Variants in PRDM11 observed in about 807,000 individuals in gnomAD.
PRDM11 encodes PR domain-containing protein 11.
A neutral mutation model predicts 97.8 loss-of-function variants in PRDM11; 20 were observed. The observed-to-expected ratio is 0.20, with a 90% CI of 0.14 to 0.30. The LOEUF is 0.30. Among genes scored for constraint, PRDM11 ranks in the 10% least tolerant of loss-of-function variants. The pLI is 1.00. For synonymous variants in PRDM11, 599 were observed against 637.7 expected (o/e 0.94, Z 0.91); for missense variants, 1,139 against 1,555.2 (o/e 0.73, Z 4.50).
In PRDM11 at chr11:45,224,563, G is replaced by A. The variant is rs761905249; in HGVS notation, c.1089G>A (p.Gly363=). 8.7e-6 allele frequency: 14 copies of A among 1,614,040 alleles called. No homozygotes were observed. Among genetic ancestry groups the A allele is most frequent in the Non-Finnish European group, 1.1e-5 (13 of 1,180,012 alleles). Reference sequence around the variant, plus strand: ...ATATAGGCCAGACCCAGGGGGAGGGGGACTGGAAGGTCCCCCAGGGGGTCT... The same window carrying A: ...ATATAGGCCAGACCCAGGGGGAGGGAGACTGGAAGGTCCCCCAGGGGGTCT... ...VQNIGQTQGE[G]DWKVPQGVSK... is the part of the protein sequence containing the mutation. Residue 363 remains glycine (G), a synonymous_variant, in exon 7 of 8, where the codon GGG becomes GGA. Coordinates refer to ENST00000683152, the MANE Select transcript of PRDM11 (RefSeq NM_001384648.1).
rs780860830 is a variant in PRDM11, at chr11:45,182,852, T to C, written c.224-9T>C. ...ACTGAGGCCCTCCCTTCTCTTTCCA[T>C]CCCTCCAGTCTGTGAGTCCTGCCAG... On this transcript the variant is annotated splice_polypyrimidine_tract_variant and intron_variant, in intron 3 of 7. Coordinates refer to ENST00000683152, the MANE Select transcript of PRDM11 (RefSeq NM_001384648.1). 12 of 1,564,852 alleles carry C rather than the reference T, an allele frequency of 7.7e-6. No individual in the cohort carries two copies. The highest frequency in any genetic ancestry group is 8.7e-6 in the Non-Finnish European group (10 of 1,154,136).
chr11:45,199,119 G>T (rs1257820778), intron 4 of PRDM11, among the ~76,000 whole-genome samples: 1 of 152,118 alleles, frequency 6.6e-6, no homozygotes, highest in Non-Finnish European at 1.5e-5. Flanking sequence ...GATCCACCTG[G>T]ACCATGCTTC....
chr11:45,097,852 AAGTGGGG>A (rs1461395794), intron 1 of PRDM11, among the ~76,000 whole-genome samples: 1 of 152,202 alleles, frequency 6.6e-6, no homozygotes, highest in Admixed American at 6.5e-5. Flanking sequence ...TGGCAGGAGG[AAGTGGGG>A]AGTGGGGAAT....
At chr11:45,210,312 A>G (rs1221346379) in intron 5 of PRDM11, among the ~76,000 whole-genome samples, 1 of 151,044 alleles carries the variant, frequency 6.6e-6, no homozygotes, top group African/African-American at 2.4e-5. Flanking sequence ...TTTCCTCTCT[A>G]CTTCCTGTGT....
At chr11:45,194,993 T>C (rs1233480183) in intron 4 of PRDM11, among the ~76,000 whole-genome samples, 2 of 151,944 alleles carry the variant, frequency 1.3e-5, no homozygotes, top group Admixed American at 6.6e-5. Context: ...GCCAGGACTT[T>C]TAACTAGATC....
intron 1 of PRDM11, among the ~76,000 whole-genome samples, chr11:45,151,780 G>T (rs1339778894): frequency 6.6e-6 from 1 of 152,202 alleles, no homozygotes; most frequent in Non-Finnish European, 1.5e-5. Flanking sequence ...AGCACAGGAG[G>T]GGAGAGGCTT....
At chr11:45,214,659 C>T (rs1853903984) in intron 5 of PRDM11, 1 of 152,158 alleles carries the variant, frequency 6.6e-6, no homozygotes, top group Admixed American at 6.5e-5. Context: ...ATTGCCCGGC[C>T]TCCGATGCTG....
rs1854284515 is a variant in PRDM11, at chr11:45,226,758, G to A, written c.2133G>A (p.Arg711=). 6.5e-7 allele frequency: 1 copy of A among 1,533,822 alleles called. No homozygotes were observed. The highest frequency in any genetic ancestry group is 1.4e-5 in the African/African-American group (1 of 72,966). Residue 711 remains arginine, a synonymous_variant, in exon 8 of 8, where the codon CGG becomes CGA. Coordinates refer to ENST00000683152, the MANE Select transcript of PRDM11 (RefSeq NM_001384648.1). ...STESYLQALD[R]AFSALGIRLQ... is the part of the protein sequence containing the mutation. ...AAAGCTATCTCCAGGCACTTGACCG[G>A]GCCTTCTCGGCCTTGGGCATCCGGT...
At chr11:45,137,900 C>T (rs1204979567) in intron 1 of PRDM11, among the ~76,000 whole-genome samples, 1 of 152,228 alleles carries the variant, frequency 6.6e-6, no homozygotes, top group Non-Finnish European at 1.5e-5. Context: ...ACTCTCAACC[C>T]TTGTGTCCTC....
intron 1 of PRDM11, among the ~76,000 whole-genome samples, chr11:45,151,313 C>T (rs2135684610): frequency 6.6e-6 from 1 of 152,330 alleles, no homozygotes; most frequent in Non-Finnish European, 1.5e-5. Context: ...TGGAGCTGTG[C>T]TGGAAAAACA....
chr11:45,186,449 C>T (rs535144876), intron 4 of PRDM11, among the ~76,000 whole-genome samples: 3 of 152,160 alleles, frequency 2.0e-5, no homozygotes, highest in Non-Finnish European at 2.9e-5. Context: ...AGCTGAAGCC[C>T]GGAGAAGGGA....
In PRDM11 at chr11:45,135,004, G is replaced by A. The variant is rs565598280; in HGVS notation, c.96+39103G>A. ...ATTGGTAAAAATTCCATTTTAGCTG[G>A]GCACAGTGGCACACAGTTGTAGACC... On this transcript the variant is annotated intron_variant, in intron 1 of 6. Transcript: ENST00000530656. Among the ~76,000 whole-genome samples, 8 of 152,068 alleles carry A rather than the reference G, an allele frequency of 5.3e-5. No individual in the cohort carries two copies. The South Asian group carries it at 1.7e-3, about 32-fold the overall frequency.
chr11:45,212,761 C>A (rs1375199731), intron 5 of PRDM11: 1 of 456,444 alleles, frequency 2.2e-6, no homozygotes, highest in Non-Finnish European at 4.4e-6. Flanking sequence ...GGCAGTTCTG[C>A]CAGGAGCTGG....
chr11:45,181,891 G>A lies in PRDM11; in HGVS notation c.119+6G>A, dbSNP rs1312084400. ...CAGGAGTATGGCCAGCCCTGGTGAG[G>A]CCCCTGTGTGGGAACTGGAGAGGGA... On this transcript the variant is annotated splice_donor_region_variant and intron_variant, in intron 2 of 7. Transcript: ENST00000683152. 4 of 1,609,560 alleles carry A rather than the reference G, an allele frequency of 2.5e-6. No homozygotes were observed. Among genetic ancestry groups the A allele is most frequent in the Non-Finnish European group, 3.4e-6 (4 of 1,177,910 alleles).
intron 1 of PRDM11, among the ~76,000 whole-genome samples, chr11:45,097,816 A>G (rs938929346): frequency 1.3e-5 from 2 of 152,226 alleles, no homozygotes; most frequent in African/African-American, 4.8e-5. Context: ...TCTGGGTGAT[A>G]CACTCATGTT....
At chr11:45,212,184 C>T (rs1005837787) in intron 5 of PRDM11, among the ~76,000 whole-genome samples, 5 of 152,210 alleles carry the variant, frequency 3.3e-5, no homozygotes, top group African/African-American at 4.8e-5. Context: ...TGGGTTGGCA[C>T]GCAGCCGGTG....
intron 6 of PRDM11, among the ~76,000 whole-genome samples, chr11:45,222,556 G>C (rs886564964): frequency 2.6e-5 from 4 of 152,212 alleles, no homozygotes; most frequent in Non-Finnish European, 5.9e-5. Flanking sequence ...AGTGCAGGCT[G>C]TGGGGAGCTG....
At chr11:45,110,696 A>G (rs1852158659) in intron 1 of PRDM11, among the ~76,000 whole-genome samples, 1 of 152,202 alleles carries the variant, frequency 6.6e-6, no homozygotes, top group Non-Finnish European at 1.5e-5. Flanking sequence ...CGCTTGCTCT[A>G]TACAGGTTGT....
At chr11:45,106,785 AG>A (rs1297508121) in intron 1 of PRDM11, among the ~76,000 whole-genome samples, 1 of 152,212 alleles carries the variant, frequency 6.6e-6, no homozygotes, top group Non-Finnish European at 1.5e-5. Context: ...CAGGAGAGCA[AG>A]GCAGAAATGC....
Sources: gnomAD v4.1 joint callset for allele counts (sites outside exome capture counted in the v4.1 genomes callset) on GRCh38, gnomAD v4.1.1 for gene constraint, MANE v1.5 for transcripts, NCBI Gene and HGNC (gene_info 2026-07-23, HGNC 2026-07-21) for gene names.